Variants in UNC5C observed in about 807,000 individuals in gnomAD.
UNC5C encodes the protein unc-5 netrin receptor C.
A neutral mutation model predicts 99.8 loss-of-function variants in UNC5C; 47 were observed. That is an observed-to-expected ratio of 0.47 (90% CI 0.37 to 0.60). The LOEUF is 0.60. Ranked by LOEUF, UNC5C falls within the 20% of genes least tolerant of loss-of-function variation. The pLI is 0.00. For missense variants in UNC5C, 1,062 were observed against 1,165.9 expected (o/e 0.91, Z 1.30); for synonymous variants, 487 against 452.2 (o/e 1.08, Z -0.98).
At chr4:95,480,852 C>T (rs265068) in intron 1 of UNC5C, among the ~76,000 whole-genome samples, 15,520 of 151,636 alleles carry the variant, frequency 0.1, 1,269 homozygotes, top group African/African-American at 0.22. Flanking sequence ...ATTGATGGGA[C>T]GTATCTCAAA....
intron 1 of UNC5C, among the ~76,000 whole-genome samples, chr4:95,455,397 G>T (rs1747399253): frequency 6.6e-6 from 1 of 152,074 alleles, no homozygotes; most frequent in Admixed American, 6.6e-5. Context: ...GGCCAAGTGT[G>T]GTGGAACACA....
chr4:95,435,978 T>C (rs1746773069), intron 1 of UNC5C, among the ~76,000 whole-genome samples: 1 of 152,104 alleles, frequency 6.6e-6, no homozygotes, highest in Non-Finnish European at 1.5e-5. Flanking sequence ...TTAAGGAACA[T>C]TTATGTCATG....
At chr4:95,260,362 C>T (rs1470824599) in intron 4 of UNC5C, among the ~76,000 whole-genome samples, 1 of 152,152 alleles carries the variant, frequency 6.6e-6, no homozygotes, top group African/African-American at 2.4e-5. Flanking sequence ...ACAAACAGTT[C>T]TGAGCCCATT....
At chr4:95,322,796 A>G (rs1742738515) in intron 2 of UNC5C, among the ~76,000 whole-genome samples, 1 of 151,842 alleles carries the variant, frequency 6.6e-6, no homozygotes, top group Non-Finnish European at 1.5e-5. Context: ...AAAATTAGCT[A>G]GGCATGCCAG....
At chr4:95,221,879 C>T (rs1459565097) in intron 7 of UNC5C, among the ~76,000 whole-genome samples, 2 of 152,166 alleles carry the variant, frequency 1.3e-5, no homozygotes, top group Non-Finnish European at 2.9e-5. Flanking sequence ...TTCATGATTT[C>T]TAGCTCAACC....
At chr4:95,206,327 T>C (rs1027671092) in intron 11 of UNC5C, among the ~76,000 whole-genome samples, 1 of 151,666 alleles carries the variant, frequency 6.6e-6, no homozygotes, top group Non-Finnish European at 1.5e-5. Flanking sequence ...TATACACACA[T>C]ATACACAATA....
At chr4:95,344,295 A>G (rs1743688804) in intron 1 of UNC5C, among the ~76,000 whole-genome samples, 1 of 152,062 alleles carries the variant, frequency 6.6e-6, no homozygotes, top group South Asian at 2.1e-4. Context: ...TGCCATATTT[A>G]AAGTGCTGAA....
At chr4:95,174,530 A>G (rs1248637955) in intron 14 of UNC5C, among the ~76,000 whole-genome samples, 1 of 152,102 alleles carries the variant, frequency 6.6e-6, no homozygotes, top group African/African-American at 2.4e-5. Context: ...CAGGTTGTTC[A>G]GTTTCTATGT....
intron 1 of UNC5C, among the ~76,000 whole-genome samples, chr4:95,472,108 T>C (rs949498030): frequency 6.6e-6 from 1 of 152,148 alleles, no homozygotes; most frequent in African/African-American, 2.4e-5. Flanking sequence ...AGTGAAGAAA[T>C]ATCAAACAAG....
intron 3 of UNC5C, among the ~76,000 whole-genome samples, chr4:95,288,564 T>A (rs1325373817): frequency 6.6e-6 from 1 of 152,200 alleles, no homozygotes; most frequent in Non-Finnish European, 1.5e-5. Flanking sequence ...AGAAATATAT[T>A]CACTTGTAGT....
rs1474451782 is a variant in UNC5C at position 95,341,521 on chromosome 4, G to GAAAC, written c.125-5891_125-5890insGTTT. Among the ~76,000 whole-genome samples, 15 of 140,892 alleles carry GAAAC rather than the reference G, an allele frequency of 1.1e-4. No homozygotes were observed. The East Asian group carries it at 2.9e-3, about 28-fold the overall frequency. The allele number at this position is 140,892 out of a possible 152,430, so 92.4% of individuals were successfully genotyped here. Reference sequence around the variant, plus strand: ...GAAGAAAGAGAGAGAAAGAAAGAAAGAAAGAAAAAAAGAAAAGAAAAAAGA... The same window carrying GAAAC: ...GAAGAAAGAGAGAGAAAGAAAGAAAGAAACAAAGAAAAAAAGAAAAGAAAAAAGA... On this transcript the variant is annotated intron_variant, in intron 1 of 15. Coordinates refer to ENST00000453304, the MANE Select transcript of UNC5C (RefSeq NM_003728.4).
chr4:95,371,985 A>G (rs1744762402), intron 1 of UNC5C, among the ~76,000 whole-genome samples: 1 of 152,162 alleles, frequency 6.6e-6, no homozygotes, highest in African/African-American at 2.4e-5. Context: ...GAGCCAGGAC[A>G]ATTGCACTGT....
intron 1 of UNC5C, among the ~76,000 whole-genome samples, chr4:95,351,287 T>A (rs1346077387): frequency 1.3e-5 from 2 of 151,630 alleles, no homozygotes; most frequent in Admixed American, 1.3e-4. Flanking sequence ...GCATAACCAA[T>A]GTCTACTTCA....
At position 95,165,262 on chromosome 4, in the gene UNC5C, C is replaced by T. The variant is rs1212681161; in HGVS notation, c.*3972G>A. The stretch of plus-strand genomic sequence containing the variant: ...CCCACGACTTTTTTCTCCTGAAAAT[C>T]GCTCTACTTTTTGATAGTTGAGAGA... On this transcript the variant is annotated 3_prime_UTR_variant, in exon 16 of 16. Coordinates refer to ENST00000453304, the MANE Select transcript of UNC5C (RefSeq NM_003728.4). 5 of 152,192 alleles carry T rather than the reference C, an allele frequency of 3.3e-5. No individual in the cohort carries two copies. The highest frequency in any genetic ancestry group is 9.7e-5 in the African/African-American group (4 of 41,446). The allele number at this position is 152,192 out of a possible 1,614,324, so 9.4% of individuals were successfully genotyped here. A position where few individuals can be genotyped will look rare whatever the true frequency, so the allele number is the denominator to read the frequency against.
chr4:95,322,886 C>T (rs1294042486), intron 2 of UNC5C, among the ~76,000 whole-genome samples: 1 of 148,912 alleles, frequency 6.7e-6, no homozygotes, highest in Admixed American at 6.8e-5. Flanking sequence ...TGCAGTGAGC[C>T]GAGATCATGC....
intron 1 of UNC5C, among the ~76,000 whole-genome samples, chr4:95,516,198 G>A (rs1392755418): frequency 6.6e-6 from 1 of 152,026 alleles, no homozygotes; most frequent in Non-Finnish European, 1.5e-5. Flanking sequence ...TATACTGCTT[G>A]AATAAAAATA....
intron 2 of UNC5C, among the ~76,000 whole-genome samples, chr4:95,331,700 T>A (rs1351772): frequency 0.78 from 118,176 of 151,998 alleles, 46,591 homozygotes; most frequent in East Asian, 1. Context: ...GGTAGTCTTA[T>A]TCATTGATGT....
chr4:95,519,416 C>T (rs1369562505), intron 1 of UNC5C, among the ~76,000 whole-genome samples: 1 of 152,016 alleles, frequency 6.6e-6, no homozygotes, highest in Non-Finnish European at 1.5e-5. Flanking sequence ...ATAGAATGGA[C>T]CCAAGTTTAT....
intron 4 of UNC5C, among the ~76,000 whole-genome samples, chr4:95,260,739 G>A (rs1740188635): frequency 6.6e-6 from 1 of 152,126 alleles, no homozygotes; most frequent in Non-Finnish European, 1.5e-5. Flanking sequence ...CTGGCTTTAG[G>A]GAGCAGAGAG....
Sources: allele counts gnomAD v4.1 joint callset (sites outside exome capture counted in the v4.1 genomes callset), GRCh38; gene constraint gnomAD v4.1.1; transcripts MANE v1.5; gene names NCBI Gene and HGNC (gene_info 2026-07-23, HGNC 2026-07-21).